Variants in YEATS2 observed in about 807,000 individuals in gnomAD.
YEATS2 encodes the protein YEATS domain containing 2, also known as YEATS domain-containing protein 2.
In YEATS2, 77 loss-of-function variants were observed where a neutral mutation model predicts 163.2. That is an observed-to-expected ratio of 0.47 (90% CI 0.39 to 0.57). The LOEUF is 0.57. Ranked by LOEUF, YEATS2 falls within the 20% of genes least tolerant of loss-of-function variation. YEATS2 has a pLI of 0.00. For synonymous variants in YEATS2, 631 were observed against 645.1 expected (o/e 0.98, Z 0.33); for missense variants, 1,549 against 1,729.8 (o/e 0.90, Z 1.85).
At chr3:183,784,743 C>G (rs148004331) in intron 19 of YEATS2, among the ~76,000 whole-genome samples, 4 of 150,800 alleles carry the variant, frequency 2.7e-5, no homozygotes, top group East Asian at 1.9e-4. Context: ...AGAGGTCCTA[C>G]GGCCTGAAAG....
rs940637348 is a variant in YEATS2 at position 183,803,903 on chromosome 3, A to G, written c.3583-84A>G. 8 of 1,423,756 alleles carry G rather than the reference A, an allele frequency of 5.6e-6. No individual in the cohort carries two copies. In the Admixed American group the frequency reaches 9.4e-5, roughly 17 times the overall value. The allele number at this position is 1,423,756 out of a possible 1,614,324, so 88.2% of individuals were successfully genotyped here. On this transcript the variant is annotated intron_variant, in intron 26 of 30. Transcript: ENST00000305135. ...AAAAATTCTAACAGGTTAGGTTAGGATGGTGATTTATGGTTGCATGATACG... is the reference window on the plus strand; with the variant it reads ...AAAAATTCTAACAGGTTAGGTTAGGGTGGTGATTTATGGTTGCATGATACG...
At chr3:183,760,505 A>C (rs879222677) in intron 13 of YEATS2, among the ~76,000 whole-genome samples, 1 of 151,954 alleles carries the variant, frequency 6.6e-6, no homozygotes, top group Admixed American at 6.6e-5. Flanking sequence ...TATTTTTAGT[A>C]GAGACGGGGT....
chr3:183,772,278 C>T (rs369549238), intron 15 of YEATS2, 27 bp from the exon 16 acceptor site: 39 of 1,611,570 alleles, frequency 2.4e-5, no homozygotes, highest in South Asian at 2.3e-4. Flanking sequence ...CTCGAAGCAC[C>T]GTTGGACTCT....
intron 19 of YEATS2, among the ~76,000 whole-genome samples, chr3:183,777,923 C>A (rs1417270985): frequency 6.6e-6 from 1 of 151,686 alleles, no homozygotes; most frequent in Non-Finnish European, 1.5e-5. Context: ...GCCAACATGG[C>A]CAACATAGTG....
intron 21 of YEATS2, among the ~76,000 whole-genome samples, chr3:183,796,481 A>G (rs777411713): frequency 2.6e-5 from 4 of 151,334 alleles, no homozygotes; most frequent in Non-Finnish European, 5.9e-5. Context: ...TTCTAAAACG[A>G]TAGAGAACAT....
intron 11 of YEATS2, 91 bp from the exon 12 acceptor site, chr3:183,756,437 G>A: frequency 8.0e-7 from 1 of 1,254,278 alleles, no homozygotes; most frequent in Non-Finnish European, 1.1e-6. Context: ...CTTTGTCCTG[G>A]TGGCACTGAC....
intron 1 of YEATS2, among the ~76,000 whole-genome samples, chr3:183,711,691 C>G (rs1270513195): frequency 6.6e-6 from 1 of 152,032 alleles, no homozygotes; most frequent in East Asian, 1.9e-4. Flanking sequence ...AGTGTTCTCT[C>G]AGATGTGGGA....
intron 23 of YEATS2, among the ~76,000 whole-genome samples, chr3:183,799,675 G>A (rs1195849130): frequency 6.6e-6 from 1 of 152,074 alleles, no homozygotes; most frequent in Admixed American, 6.6e-5. Flanking sequence ...CAAGCATAGG[G>A]GATCTGATTT....
intron 21 of YEATS2, among the ~76,000 whole-genome samples, chr3:183,793,906 C>A (rs1724906263): frequency 6.6e-6 from 1 of 152,198 alleles, no homozygotes; most frequent in African/African-American, 2.4e-5. Flanking sequence ...AGCCACCGCA[C>A]CCAGCCCACA....
rs568484127 is a variant in YEATS2 at position 183,811,057 on chromosome 3, C to T, written c.*474C>T. 16 of 169,610 alleles carry T rather than the reference C, an allele frequency of 9.4e-5. No individual in the cohort carries two copies. Among genetic ancestry groups the T allele is most frequent in the Non-Finnish European group, 1.4e-4 (11 of 78,888 alleles). 10.5% of individuals were successfully genotyped at this position (169,610 alleles called of 1,614,324 possible). A position where few individuals can be genotyped will look rare whatever the true frequency, so the allele number is the denominator to read the frequency against. On this transcript the variant is annotated 3_prime_UTR_variant, in exon 31 of 31. Transcript: ENST00000305135. ...CAGCCTTCAGCAGGTGGTTCTCTCC[C>T]ATGCCTGGCCTTGGTGTGGAGGGGC...
chr3:183,775,796 A>T lies in YEATS2; in HGVS notation c.2369-119A>T, dbSNP rs1722930852. The T allele has an allele frequency of 2.0e-6, 3 of 1,477,948 alleles. No individual in the cohort carries two copies. In the Admixed American group the frequency reaches 5.2e-5, roughly 26 times the overall value. 91.6% of individuals were successfully genotyped at this position (1,477,948 alleles called of 1,614,324 possible). ...TAGATTACAGAAAAGACGGAGGAAAATGGGAAAGAAGAAGGAATGGCACTA... is the reference window on the plus strand; with the variant it reads ...TAGATTACAGAAAAGACGGAGGAAATTGGGAAAGAAGAAGGAATGGCACTA... On this transcript the variant is annotated intron_variant, in intron 17 of 30. Transcript: ENST00000305135.
At chr3:183,731,435 A>G (rs536422352) in intron 7 of YEATS2, among the ~76,000 whole-genome samples, 39 of 152,302 alleles carry the variant, frequency 2.6e-4, no homozygotes, top group East Asian at 3.9e-4. Context: ...GGGATTAAAA[A>G]CTAATTACAT....
chr3:183,807,221 G>A, intron 28 of YEATS2, 129 bp downstream of exon 28: 1 of 833,420 alleles, frequency 1.2e-6, no homozygotes, highest in Non-Finnish European at 1.9e-6. Flanking sequence ...AGACTCTTCT[G>A]GTGCCGTAGA....
intron 15 of YEATS2, among the ~76,000 whole-genome samples, chr3:183,763,756 C>T (rs1468579124): frequency 1.3e-5 from 2 of 152,134 alleles, no homozygotes; most frequent in Non-Finnish European, 2.9e-5. Flanking sequence ...GGCAGGTATA[C>T]TCTAAAGCTA....
At chr3:183,718,450 T>C in intron 3 of YEATS2, 50 bp from the exon 4 acceptor site, 1 of 1,413,308 alleles carries the variant, frequency 7.1e-7, no homozygotes, top group South Asian at 1.3e-5. Flanking sequence ...TTTGTACATC[T>C]CTTTTATAAT....
chr3:183,776,259 C>A, intron 18 of YEATS2, 136 bp downstream of exon 18: 2 of 954,990 alleles, frequency 2.1e-6, no homozygotes, highest in Non-Finnish European at 2.9e-6. Context: ...ATATCTATAT[C>A]TTGGCCGGGT....
intron 19 of YEATS2, among the ~76,000 whole-genome samples, chr3:183,778,161 A>G (rs1723201861): frequency 6.6e-6 from 1 of 151,780 alleles, no homozygotes; most frequent in Non-Finnish European, 1.5e-5. Context: ...AATAAAAAAT[A>G]TAGAAAAACA....
intron 15 of YEATS2, among the ~76,000 whole-genome samples, chr3:183,772,068 TTAAAG>T (rs1199302775): frequency 6.6e-6 from 1 of 152,166 alleles, no homozygotes; most frequent in Non-Finnish European, 1.5e-5. Flanking sequence ...AAATTTTCTA[TTAAAG>T]TAAATTATAA....
intron 1 of YEATS2, among the ~76,000 whole-genome samples, chr3:183,709,823 G>C (rs951612800): frequency 6.6e-6 from 1 of 151,700 alleles, no homozygotes; most frequent in African/African-American, 2.4e-5. Context: ...GACTACAGGT[G>C]CCCGCCACCA....
Sources: allele counts gnomAD v4.1 joint callset (sites outside exome capture counted in the v4.1 genomes callset), GRCh38; gene constraint gnomAD v4.1.1; transcripts MANE v1.5; gene names NCBI Gene and HGNC (gene_info 2026-07-23, HGNC 2026-07-21).